The following ERG variants were observed in gnomAD, a reference collection of about 807,000 sequenced individuals.
The protein encoded by ERG is transcriptional regulator ERG.
Under a neutral mutation model 55.3 loss-of-function variants are expected in ERG, and 9 were observed. That is an observed-to-expected ratio of 0.16 (90% CI 0.10 to 0.28). The LOEUF is 0.28. ERG is among the 10% of genes least tolerant of loss of function. The probability of loss-of-function intolerance (pLI) is 1.00; values close to 1 mark genes in which losing one functional copy is unlikely to be tolerated. For synonymous variants in ERG, 223 were observed against 237.3 expected, an observed-to-expected ratio of 0.94 and a Z score of 0.55; for missense variants, 434 against 631.6, an observed-to-expected ratio of 0.69 and a Z score of 3.35.
intron 2 of ERG, among the ~76,000 whole-genome samples, chr21:38,562,383 T>C (rs751921118): frequency 6.6e-6 from 1 of 152,194 alleles, no homozygotes; most frequent in Non-Finnish European, 1.5e-5. Flanking sequence ...TCATGACCTG[T>C]AGTTTGGAAA....
chr21:38,490,116 G>A (rs2059322547), intron 1 of ERG, among the ~76,000 whole-genome samples: 1 of 152,160 alleles, frequency 6.6e-6, no homozygotes, highest in Admixed American at 6.5e-5. Flanking sequence ...TCAGGTGCTC[G>A]TGAATAATTG....
intron 2 of ERG, among the ~76,000 whole-genome samples, chr21:38,434,798 A>G (rs1024133410): frequency 6.6e-6 from 1 of 152,218 alleles, no homozygotes; most frequent in African/African-American, 2.4e-5. Context: ...CACTATACAG[A>G]TTAACACAGC....
At chr21:38,635,665 A>C (rs2060383844) in intron 1 of ERG, among the ~76,000 whole-genome samples, 1 of 152,218 alleles carries the variant, frequency 6.6e-6, no homozygotes, top group Non-Finnish European at 1.5e-5. Context: ...ATTGAGCATA[A>C]AATACAATCT....
intron 2 of ERG, among the ~76,000 whole-genome samples, chr21:38,531,690 C>G (rs181341281): frequency 5.6e-4 from 86 of 152,284 alleles, no homozygotes; most frequent in Non-Finnish European, 1.1e-3. Flanking sequence ...CTTTTAGAAG[C>G]TGCAAATTTG....
chr21:38,398,110 A>C (rs1386498395), intron 6 of ERG, among the ~76,000 whole-genome samples: 2 of 152,180 alleles, frequency 1.3e-5, no homozygotes, highest in African/African-American at 4.8e-5. Flanking sequence ...TCAGGTACCC[A>C]CTGACCACAG....
At chr21:38,586,409 T>C (rs1436938040), upstream of ERG, among the ~76,000 whole-genome samples, 1 of 152,100 alleles carries the variant, frequency 6.6e-6, no homozygotes, top group Non-Finnish European at 1.5e-5. Context: ...ACAGATCTCT[T>C]GAAATTACTC....
intron 3 of ERG, among the ~76,000 whole-genome samples, chr21:38,408,216 C>T (rs1005143017): frequency 3.9e-5 from 6 of 152,202 alleles, no homozygotes; most frequent in African/African-American, 9.7e-5. Flanking sequence ...AGACCCACTC[C>T]GGAGGTGTTG....
rs531334031 is a variant in ERG, at chr21:38,660,595, T to C, written c.-150+1063A>G. 7.3e-5 allele frequency: 11 copies of C among 151,700 alleles called. No homozygotes were observed. The East Asian group carries it at 1.6e-3, about 22-fold the overall frequency. 9.4% of individuals were successfully genotyped at this position (151,700 alleles called of 1,614,324 possible). A position where few individuals can be genotyped will look rare whatever the true frequency, so the allele number is the denominator to read the frequency against. ...GTCCGCGCGTGTCCGCGCCCGCGTG[T>C]GCCAGCGCGCGTGCCTTGGCCGTGC... On this transcript the variant is annotated intron_variant, in intron 1 of 10. Transcript: ENST00000398910.
At chr21:38,373,520 G>A in the ERG span, among the ~76,000 whole-genome samples, 7 of 152,246 alleles carry the variant, frequency 4.6e-5, no homozygotes, top group East Asian at 1.9e-4. Flanking sequence ...TCTGTATCAC[G>A]TTCTTGTAGT....
intron 2 of ERG, among the ~76,000 whole-genome samples, chr21:38,425,498 G>C (rs1300973787): frequency 6.6e-6 from 1 of 152,232 alleles, no homozygotes; most frequent in African/African-American, 2.4e-5. Context: ...TGCCTTCTTA[G>C]ATGGTTAACA....
intron 2 of ERG, among the ~76,000 whole-genome samples, chr21:38,432,198 G>A (rs765272934): frequency 6.6e-6 from 1 of 152,062 alleles, no homozygotes; most frequent in Non-Finnish European, 1.5e-5. Flanking sequence ...GGGCTCAAGC[G>A]ATCCTCTTGC....
chr21:38,401,480 T>G (rs1271341486), intron 5 of ERG, among the ~76,000 whole-genome samples: 1 of 152,124 alleles, frequency 6.6e-6, no homozygotes, highest in South Asian at 2.1e-4. Flanking sequence ...AACTTCAGAT[T>G]AAAAAGACAA....
chr21:38,479,778 A>C (rs1276592462), intron 1 of ERG, among the ~76,000 whole-genome samples: 1 of 152,222 alleles, frequency 6.6e-6, no homozygotes, highest in African/African-American at 2.4e-5. Context: ...TGTGGTCATC[A>C]GTTTTGCAGT....
intron 3 of ERG, among the ~76,000 whole-genome samples, chr21:38,410,521 G>A (rs1988996132): frequency 6.6e-6 from 1 of 152,206 alleles, no homozygotes; most frequent in Non-Finnish European, 1.5e-5. Flanking sequence ...ATTACACACA[G>A]AGTTCTGGAG....
chr21:38,615,040 A>C (rs1349710690), intron 1 of ERG, among the ~76,000 whole-genome samples: 1 of 152,206 alleles, frequency 6.6e-6, no homozygotes, highest in Non-Finnish European at 1.5e-5. Flanking sequence ...ATCCCATCCC[A>C]AGCAATTTCC....
At chr21:38,414,398 T>G (rs950308524) in intron 3 of ERG, among the ~76,000 whole-genome samples, 4 of 152,202 alleles carry the variant, frequency 2.6e-5, no homozygotes, top group African/African-American at 9.6e-5. Flanking sequence ...CTTCAGCATA[T>G]CTTGTGAGGG....
intron 1 of ERG, among the ~76,000 whole-genome samples, chr21:38,620,295 C>T (rs957455761): frequency 2.0e-5 from 3 of 147,100 alleles, no homozygotes; most frequent in Non-Finnish European, 4.5e-5. Flanking sequence ...AAGGCGATGA[C>T]TTATTCTTTT....
chr21:38,387,215 G>A (rs1987733426), intron 9 of ERG, among the ~76,000 whole-genome samples: 1 of 152,224 alleles, frequency 6.6e-6, no homozygotes, highest in South Asian at 2.1e-4. Context: ...AGTAAATACA[G>A]CCGTGAGGGG....
intron 1 of ERG, among the ~76,000 whole-genome samples, chr21:38,610,221 G>C (rs997909426): frequency 2.0e-4 from 30 of 152,270 alleles, no homozygotes; most frequent in African/African-American, 6.5e-4. Context: ...GCAAAGTAAG[G>C]CTTCCCAGAA....
Sources: allele counts gnomAD v4.1 joint callset (sites outside exome capture counted in the v4.1 genomes callset), GRCh38; gene constraint gnomAD v4.1.1; transcripts MANE v1.5; gene names NCBI Gene and HGNC (gene_info 2026-07-23, HGNC 2026-07-21).